The following ERC1 variants were observed in gnomAD, a reference collection of about 807,000 sequenced individuals.
ERC1 encodes the protein RAB6 interacting protein 2.
ERC1 carries 56 observed loss-of-function variants against 132.0 expected under a neutral mutation model. That is an observed-to-expected ratio of 0.42 (90% CI 0.34 to 0.53). ERC1 has a LOEUF of 0.53. Among genes scored for constraint, ERC1 ranks in the 20% least tolerant of loss-of-function variants. The pLI is 0.03. For missense variants in ERC1, 1,202 were observed against 1,349.9 expected, an observed-to-expected ratio of 0.89 and a Z score of 1.72; for synonymous variants, 478 against 476.1, an observed-to-expected ratio of 1.00 and a Z score of -0.05.
chr12:1,134,538 G>A (rs1949072181), intron 7 of ERC1, among the ~76,000 whole-genome samples: 1 of 151,838 alleles, frequency 6.6e-6, no homozygotes, highest in Non-Finnish European at 1.5e-5. Flanking sequence ...TTTTTGTAGA[G>A]ATAGTGTCTT....
chr12:1,187,769 C>A (rs926953082), intron 11 of ERC1, among the ~76,000 whole-genome samples: 1 of 152,140 alleles, frequency 6.6e-6, no homozygotes, highest in East Asian at 1.9e-4. Flanking sequence ...CTGTCAGTTA[C>A]CACACTGTGC....
intron 1 of ERC1, among the ~76,000 whole-genome samples, chr12:1,006,376 G>A (rs1404670706): frequency 6.6e-6 from 1 of 152,116 alleles, no homozygotes; most frequent in African/African-American, 2.4e-5. Context: ...TGGGACTGTA[G>A]GCATGCGCCA....
chr12:1,112,312 G>T lies in ERC1; in HGVS notation c.1401+14G>T. On this transcript the variant is annotated intron_variant, in intron 6 of 18. Coordinates refer to ENST00000360905, the MANE Select transcript of ERC1 (RefSeq NM_178040.4). ...CTTCAGGCTGAGGTCTTTGCCGTAAGATTTACCTCTTTGTGTGCAGTGGTC... is the reference window on the plus strand; with the variant it reads ...CTTCAGGCTGAGGTCTTTGCCGTAATATTTACCTCTTTGTGTGCAGTGGTC... The T allele has an allele frequency of 6.3e-7, 1 of 1,598,836 alleles. No homozygotes were observed. The highest frequency in any genetic ancestry group is 8.6e-7 in the Non-Finnish European group (1 of 1,166,438).
At chr12:1,453,668 A>G (rs955960926) in intron 18 of ERC1, among the ~76,000 whole-genome samples, 2 of 152,052 alleles carry the variant, frequency 1.3e-5, no homozygotes, top group Non-Finnish European at 2.9e-5. Context: ...TATAATTTCT[A>G]TTTTTGTCCC....
At chr12:1,215,798 T>C (rs1407666369) in intron 12 of ERC1, among the ~76,000 whole-genome samples, 2 of 152,176 alleles carry the variant, frequency 1.3e-5, no homozygotes, top group Admixed American at 6.5e-5. Context: ...CTTTTCCTCA[T>C]GCTTACTGCA....
At position 1,047,845 on chromosome 12, in the gene ERC1, T is replaced by G. The variant is rs1168190348; in HGVS notation, c.669+19273T>G. ...CCACAGAGAAGATAGGACTGACACT[T>G]TAGTAAGATTCTTTTTTTCAATCTA... is the stretch of plus-strand genomic sequence containing the variant. On this transcript the variant is annotated intron_variant, in intron 2 of 18. Transcript: ENST00000360905. Among the ~76,000 whole-genome samples the G allele has an allele frequency of 2.6e-5, 4 of 152,132 alleles. No individual in the cohort carries two copies. In the East Asian group the frequency reaches 7.7e-4, roughly 29 times the overall value.
At chr12:1,160,889 C>T (rs560559473) in intron 8 of ERC1, among the ~76,000 whole-genome samples, 2 of 152,254 alleles carry the variant, frequency 1.3e-5, no homozygotes, top group Admixed American at 1.3e-4. Context: ...AGCCACTGTG[C>T]CCAGCCTGAA....
chr12:1,205,592 G>C (rs968091943), intron 12 of ERC1, among the ~76,000 whole-genome samples: 5 of 151,818 alleles, frequency 3.3e-5, no homozygotes, highest in African/African-American at 9.7e-5. Context: ...CATTACAGAA[G>C]GAATCTTAAA....
At chr12:1,480,542 T>C (rs981036522) in intron 18 of ERC1, among the ~76,000 whole-genome samples, 2 of 152,208 alleles carry the variant, frequency 1.3e-5, no homozygotes, top group African/African-American at 4.8e-5. Flanking sequence ...CTTACATTAC[T>C]GCGTTTGGAT....
At chr12:1,436,522 G>A (rs74476785) in intron 17 of ERC1, among the ~76,000 whole-genome samples, 3,021 of 152,272 alleles carry the variant, frequency 0.02, 108 homozygotes, top group African/African-American at 0.068. Flanking sequence ...AGGTGAGAAA[G>A]GAGAAGATAA....
chr12:1,310,004 A>G (rs1053791119), intron 15 of ERC1, among the ~76,000 whole-genome samples: 3 of 151,608 alleles, frequency 2.0e-5, no homozygotes, highest in African/African-American at 4.9e-5. Flanking sequence ...CTGGAATGCA[A>G]TGGTGCGATC....
chr12:1,320,955 CT>C (rs1279373448), intron 15 of ERC1, among the ~76,000 whole-genome samples: 1 of 152,212 alleles, frequency 6.6e-6, no homozygotes, highest in Non-Finnish European at 1.5e-5. Flanking sequence ...CCTGCCTCAG[CT>C]TCCCAAAGTA....
intron 18 of ERC1, among the ~76,000 whole-genome samples, chr12:1,470,968 T>G (rs1023089066): frequency 1.3e-5 from 2 of 152,250 alleles, no homozygotes; most frequent in Non-Finnish European, 2.9e-5. Flanking sequence ...CCCTGTTTTC[T>G]TAGTGTATAG....
At chr12:1,316,389 G>A (rs55763103) in intron 15 of ERC1, among the ~76,000 whole-genome samples, 3,745 of 151,944 alleles carry the variant, frequency 0.025, 78 homozygotes, top group Middle Eastern at 0.041. Context: ...ACATATACCA[G>A]GCATGGCTCT....
chr12:1,384,537 AT>A (rs971448802), intron 16 of ERC1, among the ~76,000 whole-genome samples: 6 of 152,124 alleles, frequency 3.9e-5, no homozygotes, highest in East Asian at 1.9e-4. Flanking sequence ...AGCCACCAGC[AT>A]TTTTTTTAAT....
chr12:1,482,607 C>T lies in ERC1; in HGVS notation c.3214-7486C>T, dbSNP rs564907978. Among the ~76,000 whole-genome samples, 74 of 152,064 alleles carry T rather than the reference C, an allele frequency of 4.9e-4. 1 individual carries two copies. The South Asian group carries it at 8.7e-3, about 18-fold the overall frequency. ...GATTACAGGCACCTGCCACCACGCC[C>T]GGCTAATTTTTTTGTATTTTTGATA... On this transcript the variant is annotated intron_variant, in intron 18 of 18. Transcript: ENST00000360905.
intron 7 of ERC1, among the ~76,000 whole-genome samples, chr12:1,129,849 G>A (rs1293188995): frequency 1.3e-5 from 2 of 151,900 alleles, no homozygotes; most frequent in African/African-American, 2.4e-5. Context: ...AAAAAAACAG[G>A]AGATGAAAAG....
intron 15 of ERC1, among the ~76,000 whole-genome samples, chr12:1,361,987 T>C (rs1020831637): frequency 2.6e-5 from 4 of 152,206 alleles, no homozygotes; most frequent in Non-Finnish European, 4.4e-5. Flanking sequence ...CAGTTCGTTA[T>C]TTGCTTTTAG....
intron 1 of ERC1, chr12:1,027,481 G>C (rs2154149751): frequency 5.9e-6 from 1 of 168,224 alleles, no homozygotes; most frequent in South Asian, 1.8e-4. Context: ...CAGAGCGCTG[G>C]GATTATAGGC....
Sources: allele counts gnomAD v4.1 joint callset (sites outside exome capture counted in the v4.1 genomes callset), GRCh38; gene constraint gnomAD v4.1.1; transcripts MANE v1.5; gene names NCBI Gene and HGNC (gene_info 2026-07-23, HGNC 2026-07-21).